The following CLASP1 variants were observed in gnomAD, a reference collection of about 807,000 sequenced individuals.
CLASP1 encodes cytoplasmic linker associated protein 1.
CLASP1 carries 38 observed loss-of-function variants against 192.3 expected under a neutral mutation model. That is an observed-to-expected ratio of 0.20 (90% CI 0.15 to 0.26). The LOEUF (loss-of-function observed/expected upper bound fraction) is 0.26. Among genes scored for constraint, CLASP1 ranks in the 10% least tolerant of loss-of-function variants. The pLI is 1.00. For synonymous variants in CLASP1, 691 were observed against 712.8 expected, an observed-to-expected ratio of 0.97 and a Z score of 0.49; for missense variants, 1,433 against 1,932.5, an observed-to-expected ratio of 0.74 and a Z score of 4.85.
chr2:121,567,739 T>A (rs750608667), intron 2 of CLASP1, among the ~76,000 whole-genome samples: 2 of 152,214 alleles, frequency 1.3e-5, no homozygotes, highest in Admixed American at 6.5e-5. Context: ...CTACCCTAAT[T>A]ATCCTCTCAT....
At chr2:121,479,937 G>A (rs542159945) in intron 8 of CLASP1, among the ~76,000 whole-genome samples, 5 of 152,202 alleles carry the variant, frequency 3.3e-5, no homozygotes, top group Admixed American at 2.6e-4. Context: ...TAGAAGCTCT[G>A]AGGGTGCTAG....
rs1033460670 is a variant in CLASP1, at chr2:121,458,828, T to C, written c.1314+12A>G. 2.5e-6 allele frequency: 4 copies of C among 1,598,768 alleles called. No homozygotes were observed. In the African/African-American group the frequency reaches 4.0e-5, roughly 16 times the overall value. On this transcript the variant is annotated intron_variant, in intron 13 of 39. Transcript: ENST00000263710. ...ACTTGCTTATTTCAAGCATGGCCTA[T>C]AACATACTTACCCGAATAATTAACC...
chr2:121,577,595 A>C (rs889197363), intron 2 of CLASP1, among the ~76,000 whole-genome samples: 2 of 152,166 alleles, frequency 1.3e-5, no homozygotes, highest in African/African-American at 4.8e-5. Context: ...TATTTTCCTC[A>C]CTGTTCTGTG....
At chr2:121,519,139 C>G (rs1450276896) in intron 6 of CLASP1, among the ~76,000 whole-genome samples, 1 of 152,218 alleles carries the variant, frequency 6.6e-6, no homozygotes, top group Non-Finnish European at 1.5e-5. Context: ...TAAGGACCTA[C>G]TTGGCCATTT....
At chr2:121,437,167 C>T (rs1412649449) in intron 19 of CLASP1, among the ~76,000 whole-genome samples, 1 of 151,972 alleles carries the variant, frequency 6.6e-6, no homozygotes, top group Non-Finnish European at 1.5e-5. Flanking sequence ...TGGGGTCTCA[C>T]TATATTGCCC....
intron 8 of CLASP1, among the ~76,000 whole-genome samples, chr2:121,492,993 TTGAAA>T (rs2093385430): frequency 6.6e-6 from 1 of 152,238 alleles, no homozygotes; most frequent in Non-Finnish European, 1.5e-5. Flanking sequence ...AATTATACAC[TTGAAA>T]TGAATGCTGT....
intron 2 of CLASP1, among the ~76,000 whole-genome samples, chr2:121,570,142 C>G (rs1035833171): frequency 6.6e-6 from 1 of 152,192 alleles, no homozygotes; most frequent in Non-Finnish European, 1.5e-5. Context: ...TTCCAAGAGG[C>G]CTCTAGCATA....
At position 121,461,245 on chromosome 2, in the gene CLASP1, A is replaced by G. The variant is rs1050997269; in HGVS notation, c.940-52T>C. ...ATATAAAAACATGCAGAATAAACAG[A>G]TTATTTCTTAATTACATGAAGTCAA... On this transcript the variant is annotated intron_variant, in intron 10 of 39. Coordinates refer to ENST00000263710, the Ensembl canonical transcript of CLASP1. The G allele has an allele frequency of 1.1e-5, 11 of 980,158 alleles. No homozygotes were observed. The African/African-American group carries it at 1.7e-4, about 15-fold the overall frequency. The allele number at this position is 980,158 out of a possible 1,614,324, so 60.7% of individuals were successfully genotyped here. A position where few individuals can be genotyped will look rare whatever the true frequency, so the allele number is the denominator to read the frequency against.
chr2:121,425,434 T>C, intron 21 of CLASP1, 128 bp from the exon 22 acceptor site: 1 of 727,962 alleles, frequency 1.4e-6, no homozygotes, highest in Non-Finnish European at 2.1e-6. Context: ...AATAAATTTT[T>C]ATTTGGTGGT....
intron 22 of CLASP1, among the ~76,000 whole-genome samples, 173 bp from the exon 23 acceptor site, chr2:121,418,902 C>A (rs746128178): frequency 6.6e-6 from 1 of 152,030 alleles, no homozygotes. Flanking sequence ...GACGTGCCAA[C>A]GGGGGAGGGT....
chr2:121,558,550 A>G (rs1245889274), intron 2 of CLASP1, among the ~76,000 whole-genome samples: 1 of 152,184 alleles, frequency 6.6e-6, no homozygotes, highest in African/African-American at 2.4e-5. Context: ...AAGAAGAGGA[A>G]GAGAAACCTG....
At chr2:121,447,528 A>T (rs1469866150) in intron 18 of CLASP1, 21 bp from the exon 19 acceptor site, 1 of 1,540,526 alleles carries the variant, frequency 6.5e-7, no homozygotes. Flanking sequence ...AAAGGAGGAA[A>T]TATGAATAAG....
chr2:121,407,862 G>C (rs766630550), intron 24 of CLASP1, 147 bp from the exon 26 acceptor site: 2 of 997,696 alleles, frequency 2.0e-6, no homozygotes, highest in South Asian at 2.6e-5. Flanking sequence ...TTATAGATTA[G>C]GGAAATAAAA....
At chr2:121,590,302 G>A (rs868484593) in intron 2 of CLASP1, among the ~76,000 whole-genome samples, 11 of 152,178 alleles carry the variant, frequency 7.2e-5, no homozygotes, top group Admixed American at 2.0e-4. Flanking sequence ...GCAGAAACAC[G>A]TATGTACAGG....
chr2:121,370,319 T>C (rs1374725271), intron 34 of CLASP1, among the ~76,000 whole-genome samples: 2 of 152,164 alleles, frequency 1.3e-5, no homozygotes, highest in Non-Finnish European at 2.9e-5. Flanking sequence ...TCCTCCATTC[T>C]TCGATTTTCT....
At chr2:121,479,151 T>C (rs184724496) in intron 8 of CLASP1, among the ~76,000 whole-genome samples, 7 of 148,672 alleles carry the variant, frequency 4.7e-5, no homozygotes, top group Admixed American at 3.4e-4. Flanking sequence ...CTCTCACTAC[T>C]TCTATTCAAC....
intron 1 of CLASP1, among the ~76,000 whole-genome samples, chr2:121,642,346 G>C (rs893994426): frequency 6.7e-6 from 1 of 149,012 alleles, no homozygotes; most frequent in Non-Finnish European, 1.5e-5. Context: ...GCTGCAGTAA[G>C]CCATGATCAT....
intron 1 of CLASP1, among the ~76,000 whole-genome samples, chr2:121,630,419 C>CAT (rs2069303283): frequency 6.6e-6 from 1 of 151,226 alleles, no homozygotes; most frequent in Non-Finnish European, 1.5e-5. Context: ...CACACACACA[C>CAT]ACACACGCAG....
exon 30 of CLASP1, chr2:121,397,218 T>C: frequency 6.8e-6 from 11 of 1,613,924 alleles, no homozygotes; most frequent in Non-Finnish European, 8.5e-6. Context: ...CACTAGAGTT[T>C]ACAAAATCTG....
Sources: gnomAD v4.1 joint callset for allele counts (sites outside exome capture counted in the v4.1 genomes callset) on GRCh38, gnomAD v4.1.1 for gene constraint, MANE v1.5 for transcripts, NCBI Gene and HGNC (gene_info 2026-07-23, HGNC 2026-07-21) for gene names.